Variants in TANGO6 observed in about 807,000 individuals in gnomAD.
TANGO6 encodes transport and golgi organization 6 homolog.
In TANGO6, 90 loss-of-function variants were observed where a neutral mutation model predicts 114.2. The ratio of observed to expected loss-of-function variants is 0.79; its 90% CI spans 0.66 to 0.94. TANGO6 has a LOEUF of 0.94. TANGO6 is among the 40% of genes least tolerant of loss of function. TANGO6 has a pLI of 0.00. For synonymous variants in TANGO6, 477 were observed against 509.8 expected, an observed-to-expected ratio of 0.94 and a Z score of 0.87; for missense variants, 1,274 against 1,315.3, an observed-to-expected ratio of 0.97 and a Z score of 0.49.
chr16:68,874,497 G>T (rs1387950532), intron 4 of TANGO6, among the ~76,000 whole-genome samples: 3 of 152,076 alleles, frequency 2.0e-5, no homozygotes, highest in Admixed American at 6.6e-5. Context: ...TCACTCTACG[G>T]CTGTGGCTTA....
intron 17 of TANGO6, among the ~76,000 whole-genome samples, chr16:69,051,946 CT>C (rs35401100): frequency 1.8e-3 from 245 of 135,274 alleles, no homozygotes; most frequent in African/African-American, 2.4e-3. Context: ...CTTTCTTTTT[CT>C]TTTTTTTTTT....
intron 4 of TANGO6, among the ~76,000 whole-genome samples, chr16:68,871,164 T>C (rs1324379255): frequency 6.6e-6 from 1 of 152,136 alleles, no homozygotes; most frequent in Admixed American, 6.6e-5. Flanking sequence ...ATATTTTTTA[T>C]TGGGCATAGA....
intron 17 of TANGO6, among the ~76,000 whole-genome samples, chr16:69,042,963 G>A (rs1369846280): frequency 1.3e-5 from 2 of 152,006 alleles, no homozygotes; most frequent in African/African-American, 4.8e-5. Context: ...GTGGCTCACC[G>A]CCTGTAATCC....
chr16:68,913,073 C>CAA (rs979992402), intron 11 of TANGO6, among the ~76,000 whole-genome samples: 11 of 72,088 alleles, frequency 1.5e-4, no homozygotes, highest in Non-Finnish European at 1.7e-4. Flanking sequence ...GAGTGAGACT[C>CAA]AAAAAAAAAA....
chr16:69,002,978 G>A (rs1027270199), intron 15 of TANGO6, among the ~76,000 whole-genome samples: 4 of 151,910 alleles, frequency 2.6e-5, no homozygotes, highest in African/African-American at 9.7e-5. Flanking sequence ...GGAGGTAGAG[G>A]TTGCAGTGAG....
At position 69,052,231 on chromosome 16, in the gene TANGO6, G is replaced by C. The variant is rs146901459; in HGVS notation, c.3108+11810G>C. On this transcript the variant is annotated intron_variant, in intron 17 of 17. Transcript: ENST00000261778. ...CTCCCAAAATGATGTTGGGATTGCA[G>C]GTGTGTGCCATTGCTCTCAGGCCTT... 5.5e-3 allele frequency among the ~76,000 whole-genome samples: 833 copies of C among 150,808 alleles called. 9 individuals carry two copies. The highest frequency in any genetic ancestry group is 0.014 in the Middle Eastern group (4 of 284).
chr16:68,918,331 T>C (rs1360297467), intron 11 of TANGO6, among the ~76,000 whole-genome samples: 2 of 152,210 alleles, frequency 1.3e-5, no homozygotes, highest in Non-Finnish European at 2.9e-5. Context: ...CTCTTGACAG[T>C]GTCTTTCGCA....
At chr16:69,004,187 C>A (rs1457170268) in intron 15 of TANGO6, among the ~76,000 whole-genome samples, 1 of 151,924 alleles carries the variant, frequency 6.6e-6, no homozygotes. Flanking sequence ...CAATTTGTTA[C>A]CCTGTAAACA....
chr16:69,082,237 G>A (rs1052940388), intron 17 of TANGO6, among the ~76,000 whole-genome samples: 6 of 152,136 alleles, frequency 3.9e-5, no homozygotes, highest in East Asian at 3.9e-4. Flanking sequence ...TGCCTGCCTC[G>A]GCCTTCCAAA....
intron 1 of TANGO6, among the ~76,000 whole-genome samples, chr16:68,858,156 T>C (rs1962030741): frequency 6.6e-6 from 1 of 151,682 alleles, no homozygotes; most frequent in South Asian, 2.1e-4. Context: ...CTCTGCCTCC[T>C]GGGTTCAAGC....
chr16:69,082,904 G>A (rs1376249303), intron 17 of TANGO6, among the ~76,000 whole-genome samples: 4 of 152,056 alleles, frequency 2.6e-5, no homozygotes, highest in Non-Finnish European at 4.4e-5. Context: ...TGAGGTCTCT[G>A]CCATGCTTTG....
intron 14 of TANGO6, among the ~76,000 whole-genome samples, chr16:68,946,549 G>A (rs1486793114): frequency 1.3e-5 from 2 of 151,954 alleles, no homozygotes; most frequent in South Asian, 2.1e-4. Context: ...GTGTAGTGGT[G>A]CGATCTTGGC....
intron 15 of TANGO6, among the ~76,000 whole-genome samples, chr16:69,011,531 G>A (rs1964143724): frequency 1.3e-5 from 2 of 150,308 alleles, no homozygotes; most frequent in African/African-American, 4.9e-5. Flanking sequence ...ATAGCTTACT[G>A]CAGTCCTCGA....
At chr16:69,061,759 C>A (rs1318998995) in intron 17 of TANGO6, among the ~76,000 whole-genome samples, 2 of 152,138 alleles carry the variant, frequency 1.3e-5, no homozygotes, top group Non-Finnish European at 2.9e-5. Context: ...GTGGCTCACG[C>A]CTGTAATCCC....
At chr16:68,876,526 G>C (rs1293845467) in intron 5 of TANGO6, among the ~76,000 whole-genome samples, 1 of 151,268 alleles carries the variant, frequency 6.6e-6, no homozygotes, top group Non-Finnish European at 1.5e-5. Context: ...TTTTTTCATT[G>C]ATAGTGTACT....
At chr16:68,886,953 G>A (rs910004509) in intron 7 of TANGO6, among the ~76,000 whole-genome samples, 2 of 151,652 alleles carry the variant, frequency 1.3e-5, no homozygotes, top group Non-Finnish European at 2.9e-5. Context: ...GATTACAGGC[G>A]CCAGCCACCA....
At chr16:69,016,735 C>A (rs1273309898) in intron 15 of TANGO6, among the ~76,000 whole-genome samples, 5 of 152,238 alleles carry the variant, frequency 3.3e-5, no homozygotes, top group African/African-American at 1.2e-4. Context: ...TCTCAGCTCA[C>A]TGCAACCTCC....
At chr16:69,059,658 T>C (rs537614647) in intron 17 of TANGO6, among the ~76,000 whole-genome samples, 1 of 152,202 alleles carries the variant, frequency 6.6e-6, no homozygotes, top group South Asian at 2.1e-4. Flanking sequence ...TAGCTGGGAC[T>C]ACAGGTGCAC....
At chr16:69,054,103 T>C (rs1285171508) in intron 17 of TANGO6, among the ~76,000 whole-genome samples, 1 of 152,148 alleles carries the variant, frequency 6.6e-6, no homozygotes, top group African/African-American at 2.4e-5. Flanking sequence ...CCATAGAGGA[T>C]AGAAGCCTGG....
Sources: gnomAD v4.1 joint callset for allele counts (sites outside exome capture counted in the v4.1 genomes callset) on GRCh38, gnomAD v4.1.1 for gene constraint, MANE v1.5 for transcripts, NCBI Gene and HGNC (gene_info 2026-07-23, HGNC 2026-07-21) for gene names.